Variants in ST3GAL3 observed in about 807,000 individuals in gnomAD.
ST3GAL3 encodes the protein ST3 beta-galactoside alpha-2,3-sialyltransferase 3, also known as CMP-N-acetylneuraminate-beta-1,4-galactoside alpha-2,3-sialyltransferase.
In ST3GAL3, 21 loss-of-function variants were observed where a neutral mutation model predicts 50.1. That is an observed-to-expected ratio of 0.42 (90% CI 0.30 to 0.60). The LOEUF is 0.60. Among genes scored for constraint, ST3GAL3 ranks in the 20% least tolerant of loss-of-function variants. The pLI, the probability that ST3GAL3 is intolerant of heterozygous loss-of-function variation, is 0.19. For synonymous variants in ST3GAL3, 183 were observed against 190.0 expected (o/e 0.96, Z 0.30); for missense variants, 353 against 489.4 (o/e 0.72, Z 2.63).
intron 1 of ST3GAL3, among the ~76,000 whole-genome samples, chr1:43,724,368 AC>A (rs999564569): frequency 6.9e-6 from 1 of 145,606 alleles, no homozygotes; most frequent in African/African-American, 2.5e-5. Context: ...TCACCACCAC[AC>A]CTGGCTATTT....
intron 3 of ST3GAL3, among the ~76,000 whole-genome samples, chr1:43,800,798 A>C (rs753419648): frequency 6.6e-6 from 1 of 152,226 alleles, no homozygotes; most frequent in Non-Finnish European, 1.5e-5. Flanking sequence ...TCATTCTGCA[A>C]GCCTGACAGC....
At chr1:43,882,214 A>G (rs1197380409) in intron 5 of ST3GAL3, among the ~76,000 whole-genome samples, 2 of 152,352 alleles carry the variant, frequency 1.3e-5, no homozygotes, top group Admixed American at 1.3e-4. Flanking sequence ...GAAGTTCAGC[A>G]TGTGAATGAT....
At chr1:43,866,420 T>C (rs1413245213) in intron 5 of ST3GAL3, among the ~76,000 whole-genome samples, 1 of 151,716 alleles carries the variant, frequency 6.6e-6, no homozygotes, top group Non-Finnish European at 1.5e-5. Context: ...CTGCTAAAAA[T>C]AGAAACAAAA....
At chr1:43,863,143 T>G (rs540472333) in intron 5 of ST3GAL3, among the ~76,000 whole-genome samples, 1 of 152,166 alleles carries the variant, frequency 6.6e-6, no homozygotes, top group Non-Finnish European at 1.5e-5. Flanking sequence ...GCTCACTGTC[T>G]GGGGGAAGTA....
chr1:43,927,422 A>G (rs2084198166), intron 11 of ST3GAL3, among the ~76,000 whole-genome samples: 2 of 152,226 alleles, frequency 1.3e-5, no homozygotes, highest in African/African-American at 4.8e-5. Context: ...CATGAACAGT[A>G]ATTCCTTAAT....
chr1:43,866,335 A>G (rs2154240703), intron 5 of ST3GAL3, among the ~76,000 whole-genome samples: 1 of 152,238 alleles, frequency 6.6e-6, no homozygotes, highest in South Asian at 2.1e-4. Flanking sequence ...TCCCTGCACT[A>G]TAAGGCTGAG....
At chr1:43,851,436 A>C in intron 5 of ST3GAL3, 1 of 1,611,702 alleles carries the variant, frequency 6.2e-7, no homozygotes, top group Non-Finnish European at 8.5e-7. Flanking sequence ...ATAGGCCTGC[A>C]GGGCTCGCTT....
At chr1:43,715,646 C>T (rs1232971609) in intron 1 of ST3GAL3, among the ~76,000 whole-genome samples, 1 of 151,578 alleles carries the variant, frequency 6.6e-6, no homozygotes, top group Non-Finnish European at 1.5e-5. Flanking sequence ...AAAAATTAGC[C>T]AAGCATGGTG....
At chr1:43,779,764 T>C (rs1698742841) in intron 2 of ST3GAL3, among the ~76,000 whole-genome samples, 1 of 152,204 alleles carries the variant, frequency 6.6e-6, no homozygotes, top group African/African-American at 2.4e-5. Context: ...TGATTACTGG[T>C]TTTTCATTGT....
At chr1:43,759,063 GCGCACACACACACACACACACACA>G (rs1689229784) in intron 2 of ST3GAL3, among the ~76,000 whole-genome samples, 1 of 132,336 alleles carries the variant, frequency 7.6e-6, no homozygotes, top group Non-Finnish European at 1.6e-5. Context: ...ACAAAAGCGC[GCGCACACACACACACACACACACA>G]CACACACACA....
chr1:43,851,662 C>G, intron 5 of ST3GAL3: 1 of 1,313,884 alleles, frequency 7.6e-7, no homozygotes. Context: ...CTTTGAGGGG[C>G]TGCGCCAGCA....
Position 43,930,365 on chromosome 1 carries a change from T to A in ST3GAL3, c.*144T>A. 1.3e-6 allele frequency: 1 copy of A among 778,684 alleles called. No homozygotes were observed. The highest frequency in any genetic ancestry group is 2.2e-6 in the Non-Finnish European group (1 of 449,010). 48.2% of individuals were successfully genotyped at this position (778,684 alleles called of 1,614,324 possible). Reference sequence around the variant, plus strand: ...GGCCTTGGTGGAGCAGCCAGAGCTGTGCCTGCTCAGCAGCCAGTCTCAGAG... The same window carrying A: ...GGCCTTGGTGGAGCAGCCAGAGCTGAGCCTGCTCAGCAGCCAGTCTCAGAG... On this transcript the variant is annotated 3_prime_UTR_variant, in exon 12 of 12. Coordinates refer to ENST00000347631, the MANE Select transcript of ST3GAL3 (RefSeq NM_006279.5).
intron 1 of ST3GAL3, among the ~76,000 whole-genome samples, chr1:43,715,153 C>G (rs1008376530): frequency 6.6e-6 from 1 of 152,020 alleles, no homozygotes; most frequent in Non-Finnish European, 1.5e-5. Context: ...CAGTTGTTCT[C>G]TTTGGTCTCG....
At chr1:43,826,687 T>C (rs932640971) in intron 4 of ST3GAL3, among the ~76,000 whole-genome samples, 2 of 152,122 alleles carry the variant, frequency 1.3e-5, no homozygotes, top group African/African-American at 4.8e-5. Context: ...GCTCCAGAAA[T>C]CCTCAACAAA....
At chr1:43,791,207 C>A (rs1267064570) in intron 2 of ST3GAL3, among the ~76,000 whole-genome samples, 1 of 152,188 alleles carries the variant, frequency 6.6e-6, no homozygotes, top group Non-Finnish European at 1.5e-5. Context: ...CAGTCCAGTT[C>A]CTAATATAAA....
intron 1 of ST3GAL3, among the ~76,000 whole-genome samples, chr1:43,715,949 C>T (rs1305651076): frequency 6.6e-6 from 1 of 152,202 alleles, no homozygotes; most frequent in Non-Finnish European, 1.5e-5. Flanking sequence ...GTTCTAAACT[C>T]ATGGACCCCC....
intron 1 of ST3GAL3, among the ~76,000 whole-genome samples, chr1:43,722,703 G>A (rs1671067110): frequency 1.3e-5 from 2 of 152,150 alleles, no homozygotes; most frequent in South Asian, 4.1e-4. Context: ...ATGAGAGTGA[G>A]GAGGAGTCTA....
intron 5 of ST3GAL3, among the ~76,000 whole-genome samples, chr1:43,881,289 G>A (rs2075085329): frequency 6.6e-6 from 1 of 152,264 alleles, no homozygotes; most frequent in Non-Finnish European, 1.5e-5. Context: ...GGGATTACAG[G>A]CGTGAGCCAC....
At chr1:43,871,710 G>A (rs1281834790) in intron 5 of ST3GAL3, among the ~76,000 whole-genome samples, 2 of 92,034 alleles carry the variant, frequency 2.2e-5, no homozygotes, top group Non-Finnish European at 2.2e-5. Flanking sequence ...GGGAGAGGCT[G>A]GGGTGTGAGG....
Sources: gnomAD v4.1 joint callset for allele counts (sites outside exome capture counted in the v4.1 genomes callset) on GRCh38, gnomAD v4.1.1 for gene constraint, MANE v1.5 for transcripts, NCBI Gene and HGNC (gene_info 2026-07-23, HGNC 2026-07-21) for gene names.